The following VMP1 variants were observed in gnomAD, a reference collection of about 807,000 sequenced individuals.
VMP1 encodes the protein vacuole membrane protein 1.
In VMP1, 11 loss-of-function variants were observed where a neutral mutation model predicts 56.0. The ratio of observed to expected loss-of-function variants is 0.20; its 90% CI spans 0.12 to 0.32. The LOEUF (loss-of-function observed/expected upper bound fraction) is 0.32. VMP1 is among the 10% of genes least tolerant of loss of function. VMP1 has a pLI of 1.00. For missense variants in VMP1, 296 were observed against 490.3 expected, an observed-to-expected ratio of 0.60 and a Z score of 3.74; for synonymous variants, 149 against 165.0, an observed-to-expected ratio of 0.90 and a Z score of 0.74.
chr17:59,806,895 T>C lies in VMP1; in HGVS notation c.715-1901T>C, dbSNP rs114253404. ...CTATGTATTTGGACTTGAAAGTGTTTATATTGACTGATCATATTTTTTTTT... is the reference window on the plus strand; with the variant it reads ...CTATGTATTTGGACTTGAAAGTGTTCATATTGACTGATCATATTTTTTTTT... On this transcript the variant is annotated intron_variant, in intron 7 of 11. Coordinates refer to ENST00000262291, the MANE Select transcript of VMP1 (RefSeq NM_030938.5). Among the ~76,000 whole-genome samples the C allele has an allele frequency of 7.4e-3, 1,134 of 152,216 alleles. 15 individuals are homozygous for C. Among genetic ancestry groups the C allele is most frequent in the African/African-American group, 0.026 (1,086 of 41,550 alleles).
At chr17:59,766,023 T>C (rs1051913986) in intron 6 of VMP1, among the ~76,000 whole-genome samples, 1 of 152,046 alleles carries the variant, frequency 6.6e-6, no homozygotes, top group African/African-American at 2.4e-5. Context: ...TTACTTTTAT[T>C]TATTTGGCAA....
chr17:59,714,016 G>C (rs978910120), intron 1 of VMP1, among the ~76,000 whole-genome samples: 3 of 141,756 alleles, frequency 2.1e-5, no homozygotes, highest in African/African-American at 8.0e-5. Context: ...ACTCCAACCT[G>C]CGCAACTGAG....
chr17:59,756,636 ATGTC>A (rs891597949), intron 5 of VMP1, among the ~76,000 whole-genome samples: 15 of 152,286 alleles, frequency 9.8e-5, no homozygotes, highest in East Asian at 1.9e-4. Context: ...GAGTGGAAGA[ATGTC>A]TGTCTGTCTG....
intron 5 of VMP1, among the ~76,000 whole-genome samples, chr17:59,755,521 T>C (rs1183435107): frequency 6.6e-6 from 1 of 152,248 alleles, no homozygotes; most frequent in Admixed American, 6.5e-5. Context: ...TCTTTTGTTT[T>C]GGCCAGCAAT....
At chr17:59,747,978 C>T (rs1439611328) in intron 5 of VMP1, among the ~76,000 whole-genome samples, 2 of 151,662 alleles carry the variant, frequency 1.3e-5, no homozygotes, top group Non-Finnish European at 2.9e-5. Flanking sequence ...GGGCGGATCA[C>T]GAGGTCAGAA....
At chr17:59,806,543 C>T (rs1162640280) in intron 7 of VMP1, among the ~76,000 whole-genome samples, 1 of 151,490 alleles carries the variant, frequency 6.6e-6, no homozygotes, top group African/African-American at 2.4e-5. Flanking sequence ...GATGAAACCC[C>T]CTCTCTATTA....
intron 1 of VMP1, among the ~76,000 whole-genome samples, chr17:59,720,339 G>A (rs1275638770): frequency 6.6e-6 from 1 of 152,098 alleles, no homozygotes; most frequent in East Asian, 1.9e-4. Flanking sequence ...ATTTTTGACG[G>A]ATTGTCCTTG....
At chr17:59,776,349 C>A (rs936072707) in intron 7 of VMP1, among the ~76,000 whole-genome samples, 1 of 152,210 alleles carries the variant, frequency 6.6e-6, no homozygotes, top group African/African-American at 2.4e-5. Flanking sequence ...AATATCTGCT[C>A]TTTGTGGAAA....
At chr17:59,755,232 C>G (rs904286565) in intron 5 of VMP1, among the ~76,000 whole-genome samples, 1 of 151,804 alleles carries the variant, frequency 6.6e-6, no homozygotes, top group African/African-American at 2.4e-5. Flanking sequence ...CTCACCCTCC[C>G]GAATAGTTGG....
At chr17:59,804,639 T>G (rs373383760) in intron 7 of VMP1, among the ~76,000 whole-genome samples, 2,313 of 122,068 alleles carry the variant, frequency 0.019, 26 homozygotes, top group Non-Finnish European at 0.031. Flanking sequence ...AAAAAAAAAG[T>G]GAAATAAATT....
intron 6 of VMP1, among the ~76,000 whole-genome samples, chr17:59,772,947 A>ATTTTTTTT (rs1488990377): frequency 1.4e-5 from 1 of 70,592 alleles, no homozygotes; most frequent in Non-Finnish European, 2.8e-5. Flanking sequence ...ATACTGGTGA[A>ATTTTTTTT]TTCTTTTTTT....
chr17:59,754,229 T>C (rs1170503626), intron 5 of VMP1, among the ~76,000 whole-genome samples: 3 of 152,182 alleles, frequency 2.0e-5, no homozygotes, highest in Non-Finnish European at 4.4e-5. Context: ...GACATCTTAA[T>C]TGCTTTTTCA....
At chr17:59,813,433 C>T (rs1030835884) in intron 9 of VMP1, among the ~76,000 whole-genome samples, 8 of 151,774 alleles carry the variant, frequency 5.3e-5, no homozygotes, top group Non-Finnish European at 7.4e-5. Context: ...CAAAATTAGC[C>T]GAGCGTGGTG....
chr17:59,807,228 G>A (rs557028811), intron 7 of VMP1, among the ~76,000 whole-genome samples: 2 of 140,982 alleles, frequency 1.4e-5, no homozygotes, highest in African/African-American at 5.5e-5. Flanking sequence ...ACGGAGTCTC[G>A]CTCTTGTTGC....
chr17:59,739,442 G>GAAAAATATTCTTTTACTA (rs2035130597), intron 5 of VMP1, among the ~76,000 whole-genome samples: 1 of 152,236 alleles, frequency 6.6e-6, no homozygotes, highest in African/African-American at 2.4e-5. Flanking sequence ...TGCCCCTTCT[G>GAAAAATATTCTTTTACTA]GGCTGGGCGT....
chr17:59,738,547 A>C (rs896330839), intron 4 of VMP1, among the ~76,000 whole-genome samples: 3 of 152,190 alleles, frequency 2.0e-5, no homozygotes, highest in Non-Finnish European at 4.4e-5. Flanking sequence ...AAATTATCTT[A>C]TTCATAATTT....
chr17:59,835,828 A>G (rs1004931346), intron 10 of VMP1, among the ~76,000 whole-genome samples: 6 of 149,080 alleles, frequency 4.0e-5, no homozygotes, highest in African/African-American at 1.5e-4. Flanking sequence ...CTTTTTGTGC[A>G]TATATTTATA....
At chr17:59,749,664 C>G (rs1182476501) in intron 5 of VMP1, among the ~76,000 whole-genome samples, 2 of 151,994 alleles carry the variant, frequency 1.3e-5, no homozygotes, top group African/African-American at 4.8e-5. Context: ...GCATGCACCA[C>G]CACACCTGGC....
intron 5 of VMP1, among the ~76,000 whole-genome samples, chr17:59,751,794 C>T (rs1316675824): frequency 6.7e-6 from 1 of 148,458 alleles, no homozygotes; most frequent in Non-Finnish European, 1.5e-5. Flanking sequence ...ACAGAGCATA[C>T]CTTCTCTTTT....
Sources: allele counts gnomAD v4.1 joint callset (sites outside exome capture counted in the v4.1 genomes callset), GRCh38; gene constraint gnomAD v4.1.1; transcripts MANE v1.5; gene names NCBI Gene and HGNC (gene_info 2026-07-23, HGNC 2026-07-21).